The following FOXP1 variants were observed in gnomAD, a reference collection of about 807,000 sequenced individuals.
FOXP1 encodes the protein forkhead box P1, also known as forkhead box protein P1.
A neutral mutation model predicts 98.2 loss-of-function variants in FOXP1; 15 were observed. The ratio of observed to expected loss-of-function variants is 0.15; its 90% confidence interval spans 0.10 to 0.24. FOXP1 has a LOEUF of 0.24. Among genes scored for constraint, FOXP1 ranks in the 10% least tolerant of loss-of-function variants. FOXP1 has a pLI of 1.00. For missense variants in FOXP1, 633 were observed against 848.5 expected (o/e 0.75, Z 3.15); for synonymous variants, 371 against 314.5 (o/e 1.18, Z -1.90).
intron 6 of FOXP1, among the ~76,000 whole-genome samples, chr3:71,134,277 G>A (rs1285124814): frequency 6.6e-6 from 1 of 152,188 alleles, no homozygotes; most frequent in African/African-American, 2.4e-5. Flanking sequence ...AATTTCGAAT[G>A]GACACCAAGG....
At chr3:71,092,075 C>A (rs1192352310) in intron 7 of FOXP1, among the ~76,000 whole-genome samples, 7 of 152,134 alleles carry the variant, frequency 4.6e-5, no homozygotes, top group Non-Finnish European at 1.0e-4. Flanking sequence ...GTAGTCCCAG[C>A]TACTTGGGAG....
chr3:71,220,229 G>T (rs73839450), intron 5 of FOXP1, among the ~76,000 whole-genome samples: 2,299 of 152,212 alleles, frequency 0.015, 44 homozygotes, highest in African/African-American at 0.052. Context: ...TCAGACGAGT[G>T]AATGAATGAA....
At chr3:71,141,626 C>T (rs1224138756) in intron 6 of FOXP1, among the ~76,000 whole-genome samples, 2 of 152,112 alleles carry the variant, frequency 1.3e-5, no homozygotes, top group Admixed American at 1.3e-4. Context: ...CTACTTTGTA[C>T]TAAGCACAGT....
chr3:71,427,631 T>C (rs1051830661), intron 3 of FOXP1, among the ~76,000 whole-genome samples: 2 of 152,296 alleles, frequency 1.3e-5, no homozygotes, highest in South Asian at 4.1e-4. Context: ...CACAATTGTA[T>C]GGACAAAACA....
At chr3:71,424,655 C>T (rs2108348102) in intron 3 of FOXP1, among the ~76,000 whole-genome samples, 1 of 152,320 alleles carries the variant, frequency 6.6e-6, no homozygotes, top group African/African-American at 2.4e-5. Flanking sequence ...AATCCGCACT[C>T]CAATTTTGCC....
intron 5 of FOXP1, among the ~76,000 whole-genome samples, chr3:71,224,774 C>A (rs1458522637): frequency 2.0e-5 from 3 of 152,188 alleles, no homozygotes; most frequent in Non-Finnish European, 4.4e-5. Context: ...AGAAAATAAT[C>A]ACAGATTAGC....
chr3:71,063,208 G>T (rs957999870), intron 7 of FOXP1, among the ~76,000 whole-genome samples: 2 of 152,248 alleles, frequency 1.3e-5, no homozygotes, highest in Admixed American at 6.5e-5. Flanking sequence ...ACTGAAATGT[G>T]TCAGGCAGCT....
intron 7 of FOXP1, among the ~76,000 whole-genome samples, chr3:71,088,170 C>T (rs957440013): frequency 6.6e-5 from 10 of 152,152 alleles, no homozygotes; most frequent in Non-Finnish European, 1.2e-4. Flanking sequence ...TGATTGGGGG[C>T]TCTTAAACTT....
intron 3 of FOXP1, among the ~76,000 whole-genome samples, chr3:71,454,515 T>G (rs571590032): frequency 4.7e-4 from 71 of 152,220 alleles, no homozygotes; most frequent in African/African-American, 1.6e-3. Flanking sequence ...GACTGAACCT[T>G]GAGGTTCCAA....
At chr3:71,271,369 C>T (rs552557102) in intron 5 of FOXP1, among the ~76,000 whole-genome samples, 3 of 152,122 alleles carry the variant, frequency 2.0e-5, no homozygotes, top group Non-Finnish European at 2.9e-5. Flanking sequence ...AAAGTGTTAA[C>T]GATAATTTTA....
intron 6 of FOXP1, among the ~76,000 whole-genome samples, chr3:71,139,179 C>T (rs1202342924): frequency 3.9e-5 from 6 of 152,118 alleles, no homozygotes; most frequent in African/African-American, 1.2e-4. Flanking sequence ...GATACGGAGC[C>T]AGTTGTCTAA....
intron 6 of FOXP1, among the ~76,000 whole-genome samples, chr3:71,158,353 TAGTGCCC>T (rs954118323): frequency 3.1e-4 from 47 of 151,672 alleles, no homozygotes; most frequent in African/African-American, 1.1e-3. Context: ...ATATAATAAA[TAGTGCCC>T]AGGGAATGTT....
intron 11 of FOXP1, among the ~76,000 whole-genome samples, chr3:71,039,045 T>C (rs1361829342): frequency 1.3e-5 from 2 of 152,160 alleles, no homozygotes; most frequent in Non-Finnish European, 2.9e-5. Flanking sequence ...TCTTGATGGC[T>C]ACATTCAGTT....
intron 2 of FOXP1, among the ~76,000 whole-genome samples, chr3:71,523,779 G>C (rs2043165035): frequency 6.6e-6 from 1 of 152,030 alleles, no homozygotes; most frequent in South Asian, 2.1e-4. Context: ...TGACTCACAG[G>C]GCCCTAAAAT....
At chr3:71,542,698 G>C (rs1437910341) in intron 2 of FOXP1, among the ~76,000 whole-genome samples, 1 of 152,222 alleles carries the variant, frequency 6.6e-6, no homozygotes, top group Non-Finnish European at 1.5e-5. Flanking sequence ...GTGTGAGCGA[G>C]GCAGGCAGGC....
intron 13 of FOXP1, 93 bp from the exon 14 acceptor site, chr3:70,988,170 A>C: frequency 9.4e-7 from 1 of 1,065,416 alleles, no homozygotes; most frequent in Non-Finnish European, 1.5e-6. Context: ...ACGCTATGGC[A>C]CCACAGCACA....
chr3:70,986,080 C>G (rs187131253), intron 14 of FOXP1, among the ~76,000 whole-genome samples: 1 of 152,192 alleles, frequency 6.6e-6, no homozygotes, highest in African/African-American at 2.4e-5. Flanking sequence ...AGTAGGAGGT[C>G]CCCTTCAAAG....
intron 2 of FOXP1, among the ~76,000 whole-genome samples, chr3:71,520,563 C>G (rs2042903865): frequency 6.6e-6 from 1 of 152,216 alleles, no homozygotes; most frequent in Non-Finnish European, 1.5e-5. Context: ...TTTCCCAGAA[C>G]AGCAACAAAA....
intron 2 of FOXP1, among the ~76,000 whole-genome samples, chr3:71,556,090 T>C (rs2046107133): frequency 6.6e-6 from 1 of 152,136 alleles, no homozygotes; most frequent in Non-Finnish European, 1.5e-5. Context: ...ACACACTATA[T>C]ATGTAATATG....
Sources: gnomAD v4.1 joint callset for allele counts (sites outside exome capture counted in the v4.1 genomes callset) on GRCh38, gnomAD v4.1.1 for gene constraint, MANE v1.5 for transcripts, NCBI Gene and HGNC (gene_info 2026-07-23, HGNC 2026-07-21) for gene names.